CEP350: variants seen among roughly 807,000 people sequenced by gnomAD.
CEP350 encodes the protein centrosome-associated protein 350.
In CEP350, 126 loss-of-function variants were observed where a neutral mutation model predicts 331.8. That is an observed-to-expected ratio of 0.38 (90% CI 0.33 to 0.44). The LOEUF (loss-of-function observed/expected upper bound fraction) is 0.44. Among genes scored for constraint, CEP350 ranks in the 20% least tolerant of loss-of-function variants. CEP350 has a pLI of 1.00. For missense variants in CEP350, 3,406 were observed against 3,634.6 expected, an observed-to-expected ratio of 0.94 and a Z score of 1.62; for synonymous variants, 1,200 against 1,259.5, an observed-to-expected ratio of 0.95 and a Z score of 1.00.
chr1:180,019,916 A>C, intron 11 of CEP350, 33 bp from the exon 12 acceptor site: 2 of 1,520,486 alleles, frequency 1.3e-6, no homozygotes, highest in East Asian at 4.5e-5. Context: ...ATGGTGGTTT[A>C]GTTAACTAAC....
At chr1:180,067,151 T>C (rs2149029840) in intron 27 of CEP350, among the ~76,000 whole-genome samples, 1 of 152,358 alleles carries the variant, frequency 6.6e-6, no homozygotes, top group South Asian at 2.1e-4. Flanking sequence ...ATTTATTGAC[T>C]TTGTTCCAAA....
intron 5 of CEP350, among the ~76,000 whole-genome samples, chr1:179,994,284 T>G (rs1478383245): frequency 2.0e-5 from 3 of 152,142 alleles, no homozygotes; most frequent in Non-Finnish European, 4.4e-5. Flanking sequence ...TTTTATGTTT[T>G]ATTTTATTTT....
intron 1 of CEP350, among the ~76,000 whole-genome samples, chr1:179,973,517 A>G (rs1049830266): frequency 4.6e-5 from 7 of 152,030 alleles, no homozygotes; most frequent in African/African-American, 1.7e-4. Flanking sequence ...ACTTTTTTTT[A>G]GTGTAATCAT....
chr1:180,095,846 T>C lies in CEP350; in HGVS notation c.8835T>C (p.His2945=). ...GGAAAGAATTAGGCCACGATCTTCA[T>C]AGCATCAGTATTCCTACAAAACTGC... The part of the protein sequence containing the change: ...WKWKELGHDL[H]SISIPTKLLG... The change falls in exon 35 of 38, where the codon CAT becomes CAC. Residue 2945 remains histidine, a synonymous_variant. Transcript: ENST00000367607. 1.2e-6 allele frequency: 2 copies of C among 1,613,946 alleles called. No individual in the cohort carries two copies. Among genetic ancestry groups the C allele is most frequent in the South Asian group, 1.1e-5 (1 of 91,072 alleles).
chr1:179,979,366 A>G lies in CEP350; in HGVS notation c.-13-6803A>G, dbSNP rs562167251. Among the ~76,000 whole-genome samples the G allele has an allele frequency of 8.2e-4, 110 of 134,348 alleles. 1 individual carries two copies. The highest frequency in any genetic ancestry group is 2.9e-3 in the African/African-American group (108 of 37,188). The allele number at this position is 134,348 out of a possible 152,430, so 88.1% of individuals were successfully genotyped here. On this transcript the variant is annotated intron_variant, in intron 1 of 37. Transcript: ENST00000367607. ...GTTTCTTGACCATTTGTGTTTGCCC[A>G]TTTTTAATTAGATTATTTGGGGTGT... is the stretch of plus-strand genomic sequence containing the variant.
intron 11 of CEP350, among the ~76,000 whole-genome samples, chr1:180,017,618 A>G (rs533449895): frequency 6.6e-6 from 1 of 152,116 alleles, no homozygotes; most frequent in Non-Finnish European, 1.5e-5. Flanking sequence ...TTTAATATCC[A>G]ACTTCTTTGA....
At chr1:180,079,675 C>A (rs904636398) in intron 29 of CEP350, among the ~76,000 whole-genome samples, 1 of 151,970 alleles carries the variant, frequency 6.6e-6, no homozygotes, top group East Asian at 1.9e-4. Context: ...TAAATTTCTA[C>A]CTTCGAGGAA....
chr1:179,994,732 G>A (rs1453741400), intron 5 of CEP350, among the ~76,000 whole-genome samples: 1 of 152,052 alleles, frequency 6.6e-6, no homozygotes, highest in South Asian at 2.1e-4. Flanking sequence ...GAGATTACAG[G>A]TGTGAGCCAC....
At chr1:179,991,306 T>C (rs1441735610) in intron 4 of CEP350, among the ~76,000 whole-genome samples, 2 of 142,336 alleles carry the variant, frequency 1.4e-5, no homozygotes, top group Non-Finnish European at 3.0e-5. Flanking sequence ...CTGTGGTTTC[T>C]TTCTTTTCTT....
chr1:180,095,947 G>C lies in CEP350; in HGVS notation c.8919+17G>C. The C allele has an allele frequency of 1.3e-6, 2 of 1,585,650 alleles. No homozygotes were observed. Among genetic ancestry groups the C allele is most frequent in the Non-Finnish European group, 1.7e-6 (2 of 1,167,358 alleles). On this transcript the variant is annotated intron_variant, in intron 35 of 37. Transcript: ENST00000367607. The stretch of plus-strand genomic sequence containing the variant: ...TACAAACAGGTAGGTGAAATAAAAG[G>C]ATAATTTTAGTTTTTAAACTTTTCT...
intron 11 of CEP350, 85 bp from the exon 12 acceptor site, chr1:180,019,864 C>T: frequency 3.2e-6 from 4 of 1,233,672 alleles, no homozygotes; most frequent in Non-Finnish European, 4.4e-6. Flanking sequence ...GCAGTGCATC[C>T]TCATTACTCT....
chr1:180,050,673 C>G (rs371017070), intron 22 of CEP350, among the ~76,000 whole-genome samples: 1 of 84,040 alleles, frequency 1.2e-5, no homozygotes, highest in African/African-American at 3.9e-5. Flanking sequence ...CCAAAAAAAC[C>G]AAAAAAAAAA....
chr1:180,098,822 T>C (rs1660637192), intron 36 of CEP350, 41 bp from the exon 37 acceptor site: 7 of 1,579,484 alleles, frequency 4.4e-6, no homozygotes, highest in African/African-American at 1.4e-5. Flanking sequence ...ACTCAGGAAT[T>C]TCTGTTGTTT....
At chr1:179,994,382 G>A (rs766974410) in intron 5 of CEP350, among the ~76,000 whole-genome samples, 3 of 151,454 alleles carry the variant, frequency 2.0e-5, no homozygotes, top group Non-Finnish European at 2.9e-5. Flanking sequence ...ATTTAGCCTC[G>A]GTCTCTGATG....
At chr1:180,087,776 T>C in intron 32 of CEP350, 59 bp downstream of exon 32, 1 of 1,356,170 alleles carries the variant, frequency 7.4e-7, no homozygotes, top group South Asian at 2.0e-5. Context: ...AATAAGGGAA[T>C]ATTTTCAGTA....
At chr1:180,063,287 G>A (rs1000931638) in intron 26 of CEP350, among the ~76,000 whole-genome samples, 2 of 151,020 alleles carry the variant, frequency 1.3e-5, no homozygotes, top group African/African-American at 4.9e-5. Context: ...ACCTCCCAGG[G>A]GTTAGGTAAT....
intron 1 of CEP350, among the ~76,000 whole-genome samples, chr1:179,974,426 C>T (rs1259811422): frequency 1.3e-5 from 2 of 152,074 alleles, no homozygotes; most frequent in East Asian, 3.9e-4. Flanking sequence ...CTAATGCTGC[C>T]GTTTGTTCAT....
At chr1:179,956,926 T>C (rs1012769058) in intron 1 of CEP350, among the ~76,000 whole-genome samples, 10 of 152,128 alleles carry the variant, frequency 6.6e-5, no homozygotes, top group Non-Finnish European at 1.5e-4. Flanking sequence ...TTTGGTGTTA[T>C]TTTAAAATAT....
chr1:180,024,986 G>A (rs545067622), intron 14 of CEP350, among the ~76,000 whole-genome samples: 7 of 150,430 alleles, frequency 4.7e-5, no homozygotes, highest in South Asian at 2.1e-4. Flanking sequence ...GTGCAGTGGC[G>A]TGATCTTGGC....
Sources: gnomAD v4.1 joint callset for allele counts (sites outside exome capture counted in the v4.1 genomes callset) on GRCh38, gnomAD v4.1.1 for gene constraint, MANE v1.5 for transcripts, NCBI Gene and HGNC (gene_info 2026-07-23, HGNC 2026-07-21) for gene names.